Variants in CAMKMT observed in about 807,000 individuals in gnomAD.
CAMKMT encodes the protein calmodulin-lysine N-methyltransferase, also known as CaM KMT.
Under a neutral mutation model 48.0 loss-of-function variants are expected in CAMKMT, and 53 were observed. The observed-to-expected ratio is 1.10, with a 90% CI of 0.89 to 1.39. CAMKMT has a LOEUF of 1.39. CAMKMT is among the 40% of genes most tolerant of loss of function. The pLI is 0.00. For synonymous variants in CAMKMT, 165 were observed against 152.3 expected (o/e 1.08, Z -0.61); for missense variants, 428 against 402.7 (o/e 1.06, Z -0.54).
intron 3 of CAMKMT, among the ~76,000 whole-genome samples, chr2:44,639,680 C>G (rs1255579755): frequency 6.6e-6 from 1 of 152,198 alleles, no homozygotes; most frequent in South Asian, 2.1e-4. Flanking sequence ...GCACCAGCTC[C>G]TATCTTTTGT....
At chr2:44,399,544 C>G (rs1231009549) in intron 3 of CAMKMT, among the ~76,000 whole-genome samples, 1 of 151,582 alleles carries the variant, frequency 6.6e-6, no homozygotes, top group African/African-American at 2.4e-5. Flanking sequence ...GATTTGTTAC[C>G]ATTTCCCTTT....
At chr2:44,612,154 T>C (rs1178722882) in intron 3 of CAMKMT, among the ~76,000 whole-genome samples, 1 of 151,474 alleles carries the variant, frequency 6.6e-6, no homozygotes, top group Non-Finnish European at 1.5e-5. Context: ...ACTGGAATTG[T>C]GTTTTAAACC....
chr2:44,771,953 T>C (rs1242421350), intron 10 of CAMKMT, 83 bp from the exon 11 acceptor site: 8 of 941,834 alleles, frequency 8.5e-6, no homozygotes, highest in Non-Finnish European at 1.3e-5. Flanking sequence ...GTAAAAGTCA[T>C]CATGATACTC....
At chr2:44,753,964 CAT>C (rs1444772236) in intron 8 of CAMKMT, 89 bp from the exon 9 acceptor site, 4 of 838,116 alleles carry the variant, frequency 4.8e-6, no homozygotes, top group Admixed American at 2.1e-5. Context: ...GTTGGGTAAA[CAT>C]GTGTAATTAG....
chr2:44,452,946 T>C (rs2104595351), intron 3 of CAMKMT, among the ~76,000 whole-genome samples: 1 of 152,166 alleles, frequency 6.6e-6, no homozygotes, highest in African/African-American at 2.4e-5. Flanking sequence ...TTATAGTTGT[T>C]CACAATATCC....
intron 3 of CAMKMT, among the ~76,000 whole-genome samples, chr2:44,660,443 G>A (rs1674619767): frequency 6.6e-6 from 1 of 152,194 alleles, no homozygotes; most frequent in Non-Finnish European, 1.5e-5. Context: ...TGCAACATAA[G>A]AAATGGAAAT....
chr2:44,529,835 A>G (rs1666385543), intron 3 of CAMKMT, among the ~76,000 whole-genome samples: 1 of 152,210 alleles, frequency 6.6e-6, no homozygotes, highest in Admixed American at 6.5e-5. Context: ...TATGGAGAAA[A>G]TTGCAATCTG....
chr2:44,708,516 A>T (rs918710923), intron 6 of CAMKMT, among the ~76,000 whole-genome samples: 3 of 151,870 alleles, frequency 2.0e-5, no homozygotes, highest in African/African-American at 7.3e-5. Context: ...TGACAGACTT[A>T]AAAAAAATTC....
At chr2:44,744,531 AG>A (rs1197659426) in intron 8 of CAMKMT, among the ~76,000 whole-genome samples, 1 of 152,172 alleles carries the variant, frequency 6.6e-6, no homozygotes, top group African/African-American at 2.4e-5. Flanking sequence ...CCCTGTTAAG[AG>A]TAAGATCTTG....
chr2:44,567,748 AACTT>A (rs554498758), intron 3 of CAMKMT, among the ~76,000 whole-genome samples: 103 of 152,322 alleles, frequency 6.8e-4, no homozygotes, highest in Non-Finnish European at 1.2e-3. Flanking sequence ...CTGCTAGCAC[AACTT>A]TTGGCAGAAT....
At chr2:44,614,265 C>A (rs1025564634) in intron 3 of CAMKMT, among the ~76,000 whole-genome samples, 3 of 152,146 alleles carry the variant, frequency 2.0e-5, no homozygotes, top group African/African-American at 7.2e-5. Flanking sequence ...TTTATGGAAA[C>A]TTGAGTGTCT....
intron 3 of CAMKMT, among the ~76,000 whole-genome samples, chr2:44,608,001 G>C (rs1221677597): frequency 6.6e-6 from 1 of 150,776 alleles, no homozygotes; most frequent in Non-Finnish European, 1.5e-5. Flanking sequence ...TCACATACCA[G>C]GTATAATTTT....
chr2:44,418,425 CTTTTGTTGTTGT>C (rs1053954676), intron 3 of CAMKMT, among the ~76,000 whole-genome samples: 1 of 151,060 alleles, frequency 6.6e-6, no homozygotes, highest in African/African-American at 2.5e-5. Flanking sequence ...AGTTAAGGTT[CTTTTGTTGTTGT>C]TTTTGTTGTT....
intron 3 of CAMKMT, among the ~76,000 whole-genome samples, chr2:44,500,380 A>C (rs570401841): frequency 6.6e-6 from 1 of 152,240 alleles, no homozygotes; most frequent in South Asian, 2.1e-4. Context: ...CTTCAAAAAC[A>C]TTGTTCTTTG....
intron 3 of CAMKMT, among the ~76,000 whole-genome samples, chr2:44,489,258 T>TCA: frequency 6.7e-6 from 1 of 150,026 alleles, no homozygotes; most frequent in African/African-American, 2.5e-5. Flanking sequence ...TTTTTTTTTT[T>TCA]TTTTTGAGAT....
intron 3 of CAMKMT, among the ~76,000 whole-genome samples, chr2:44,470,994 C>CTTTTT (rs11362559): frequency 2.7e-5 from 2 of 74,914 alleles, no homozygotes; most frequent in African/African-American, 4.8e-5. Context: ...CTCTCTCTCT[C>CTTTTT]TTTTTTTTTT....
At chr2:44,384,979 A>G (rs1419839143) in intron 2 of CAMKMT, among the ~76,000 whole-genome samples, 1 of 152,144 alleles carries the variant, frequency 6.6e-6, no homozygotes, top group East Asian at 1.9e-4. Context: ...TTTTGGTTCC[A>G]TATAAATTTT....
intron 3 of CAMKMT, among the ~76,000 whole-genome samples, chr2:44,572,297 A>G (rs1668951146): frequency 6.6e-6 from 1 of 152,026 alleles, no homozygotes; most frequent in Non-Finnish European, 1.5e-5. Context: ...TCTTCCCATC[A>G]TGGCCTCCCA....
At chr2:44,526,868 G>T (rs868267847) in intron 3 of CAMKMT, among the ~76,000 whole-genome samples, 7 of 151,866 alleles carry the variant, frequency 4.6e-5, no homozygotes, top group Non-Finnish European at 1.0e-4. Context: ...TTTTTATAAG[G>T]ACTTCAGTAA....
Sources: gnomAD v4.1 joint callset for allele counts (sites outside exome capture counted in the v4.1 genomes callset) on GRCh38, gnomAD v4.1.1 for gene constraint, MANE v1.5 for transcripts, NCBI Gene and HGNC (gene_info 2026-07-23, HGNC 2026-07-21) for gene names.